The following NKIRAS1 variants were observed in gnomAD, a reference collection of about 807,000 sequenced individuals.
The protein encoded by NKIRAS1 is NF-kappa-B inhibitor-interacting Ras-like protein 1.
NKIRAS1 carries 16 observed loss-of-function variants against 19.8 expected under a neutral mutation model. The ratio of observed to expected loss-of-function variants is 0.81; its 90% CI spans 0.55 to 1.23. The LOEUF (loss-of-function observed/expected upper bound fraction) is 1.23, where lower values mean the gene tolerates loss of function less well. Ranked by LOEUF, NKIRAS1 falls within the 50% of genes most tolerant of loss-of-function variation. NKIRAS1 has a pLI of 0.00. For missense variants in NKIRAS1, 184 were observed against 220.0 expected (o/e 0.84, Z 1.04); for synonymous variants, 88 against 79.0 (o/e 1.11, Z -0.61).
chr3:23,899,950 T>C (rs1702344365), intron 4 of NKIRAS1, among the ~76,000 whole-genome samples: 1 of 151,540 alleles, frequency 6.6e-6, no homozygotes. Flanking sequence ...GATCACAAAG[T>C]CAGGAGATCG....
At chr3:23,935,379 CA>C (rs11373255) in intron 1 of NKIRAS1, among the ~76,000 whole-genome samples, 20,309 of 148,868 alleles carry the variant, frequency 0.14, 1,967 homozygotes, top group African/African-American at 0.26. Flanking sequence ...TCTGATTAGA[CA>C]AAAAAAAAAA....
At chr3:23,899,891 T>C (rs531497780) in intron 4 of NKIRAS1, among the ~76,000 whole-genome samples, 328 of 152,324 alleles carry the variant, frequency 2.2e-3, no homozygotes, top group African/African-American at 7.5e-3. Context: ...AGGGCAGGCA[T>C]GGTGGCTCAT....
intron 4 of NKIRAS1, among the ~76,000 whole-genome samples, chr3:23,897,057 T>A (rs1006452870): frequency 5.3e-5 from 8 of 151,236 alleles, no homozygotes; most frequent in African/African-American, 1.9e-4. Context: ...AAAATAAAAA[T>A]AAAAATTAGG....
chr3:23,894,896 G>A (rs1388376118), intron 4 of NKIRAS1, among the ~76,000 whole-genome samples: 2 of 152,138 alleles, frequency 1.3e-5, no homozygotes, highest in South Asian at 2.1e-4. Flanking sequence ...TGCTCTCGCC[G>A]TTACTCTGGT....
intron 3 of NKIRAS1, among the ~76,000 whole-genome samples, chr3:23,909,987 T>A (rs1176019132): frequency 6.6e-6 from 1 of 151,242 alleles, no homozygotes; most frequent in Non-Finnish European, 1.5e-5. Context: ...ACCTCCTGAG[T>A]AGCTGCGACT....
upstream of NKIRAS1, chr3:23,920,284 A>G (rs927843711): frequency 7.1e-6 from 7 of 985,720 alleles, no homozygotes; most frequent in African/African-American, 1.7e-5. Flanking sequence ...GTAGTTGGCT[A>G]TAAGTACGTC....
rs143563107 is a variant in NKIRAS1 at position 23,930,263 on chromosome 3, G to A, written c.-140+16060C>T. On this transcript the variant is annotated intron_variant, in intron 1 of 4. Coordinates refer to the NKIRAS1 transcript ENST00000421515. ...TGAGCAACACCCTGACAGCCATGGCGGGCTAAAGGGATAAAGATGTAGTGG... is the reference window on the plus strand; with the variant it reads ...TGAGCAACACCCTGACAGCCATGGCAGGCTAAAGGGATAAAGATGTAGTGG... 8.3e-4 allele frequency among the ~76,000 whole-genome samples: 126 copies of A among 152,220 alleles called. 2 individuals carry two copies. In the East Asian group the frequency reaches 0.021, roughly 25 times the overall value.
chr3:23,928,264 T>G lies in NKIRAS1; in HGVS notation c.-139-16814A>C, dbSNP rs529124442. Among the ~76,000 whole-genome samples the G allele has an allele frequency of 3.5e-4, 53 of 151,392 alleles. 1 individual carries two copies. The highest frequency in any genetic ancestry group is 7.5e-4 in the Non-Finnish European group (51 of 67,918). ...AAGATTGCACCACTGCACTCCAGCCTGGGCAACAGAGCAAGACTCTGTCTC... is the reference window on the plus strand; with the variant it reads ...AAGATTGCACCACTGCACTCCAGCCGGGGCAACAGAGCAAGACTCTGTCTC... On this transcript the variant is annotated intron_variant, in intron 1 of 4. Coordinates refer to the NKIRAS1 transcript ENST00000421515.
chr3:23,898,152 G>A (rs1248008683), intron 4 of NKIRAS1, among the ~76,000 whole-genome samples: 2 of 152,014 alleles, frequency 1.3e-5, no homozygotes, highest in Non-Finnish European at 2.9e-5. Context: ...TGCCTGTTTC[G>A]GTGGGAAAGA....
intron 1 of NKIRAS1, among the ~76,000 whole-genome samples, chr3:23,936,082 C>CTAAA (rs1705387548): frequency 1.6e-5 from 1 of 63,908 alleles, no homozygotes; most frequent in African/African-American, 5.8e-5. Flanking sequence ...GACCCTGTCT[C>CTAAA]AAAAAAAAAA....
intron 3 of NKIRAS1, among the ~76,000 whole-genome samples, chr3:23,906,878 T>C (rs564680038): frequency 6.6e-6 from 1 of 152,300 alleles, no homozygotes; most frequent in South Asian, 2.1e-4. Context: ...ACCTTTATTT[T>C]TTAAAGCAGG....
intron 3 of NKIRAS1, 111 bp from the exon 4 acceptor site, chr3:23,901,160 T>A (rs1702480269): frequency 1.2e-5 from 13 of 1,121,566 alleles, no homozygotes; most frequent in Non-Finnish European, 1.5e-5. Flanking sequence ...CCACATATAA[T>A]AATCACATTT....
chr3:23,919,346 C>G (rs753971737), upstream of NKIRAS1: 45 of 1,602,486 alleles, frequency 2.8e-5, no homozygotes, highest in Non-Finnish European at 3.7e-5. Flanking sequence ...GATCACCAAA[C>G]CAGTCCACAA....
intron 1 of NKIRAS1, among the ~76,000 whole-genome samples, chr3:23,940,836 G>A (rs1559517597): frequency 6.6e-6 from 1 of 152,300 alleles, no homozygotes; most frequent in Admixed American, 6.5e-5. Context: ...CTGGAAGAAG[G>A]TACGTCACAA....
chr3:23,920,844 C>T (rs1705040450), upstream of NKIRAS1: 1 of 883,190 alleles, frequency 1.1e-6, no homozygotes, highest in Non-Finnish European at 1.4e-6. Context: ...TAAACTAAAA[C>T]AAATGGACCT....
chr3:23,933,174 T>G (rs1705344491), intron 1 of NKIRAS1, among the ~76,000 whole-genome samples: 1 of 152,200 alleles, frequency 6.6e-6, no homozygotes, highest in African/African-American at 2.4e-5. Context: ...GTGCTAAGTT[T>G]GTGGTAATTT....
chr3:23,935,621 C>T (rs1053513608), intron 1 of NKIRAS1, among the ~76,000 whole-genome samples: 1 of 152,102 alleles, frequency 6.6e-6, no homozygotes, highest in Admixed American at 6.6e-5. Flanking sequence ...GACGAGGTCT[C>T]GCTAATGTTA....
chr3:23,901,125 A>G, intron 3 of NKIRAS1, 76 bp from the exon 4 acceptor site: 1 of 1,507,990 alleles, frequency 6.6e-7, no homozygotes, highest in South Asian at 1.3e-5. Flanking sequence ...TCCTTTAGAA[A>G]TTGGCTTTCT....
intron 4 of NKIRAS1, 130 bp downstream of exon 4, chr3:23,900,678 A>G: frequency 1.4e-6 from 1 of 689,660 alleles, no homozygotes; most frequent in Non-Finnish European, 2.3e-6. Context: ...AAGAAAAGAA[A>G]AAAATTGTAA....
Sources: gnomAD v4.1 joint callset for allele counts (sites outside exome capture counted in the v4.1 genomes callset) on GRCh38, gnomAD v4.1.1 for gene constraint, MANE v1.5 for transcripts, NCBI Gene and HGNC (gene_info 2026-07-23, HGNC 2026-07-21) for gene names.